The following QRICH1 variants were observed in gnomAD, a reference collection of about 807,000 sequenced individuals.
The protein encoded by QRICH1 is glutamine rich 1, also known as transcriptional regulator QRICH1.
Under a neutral mutation model 87.1 loss-of-function variants are expected in QRICH1, and 16 were observed. The observed-to-expected ratio is 0.18, with a 90% CI of 0.12 to 0.28. QRICH1 has a LOEUF of 0.28. Ranked by LOEUF, QRICH1 falls within the 10% of genes least tolerant of loss-of-function variation. The pLI is 1.00. For missense variants in QRICH1, 647 were observed against 951.7 expected, an observed-to-expected ratio of 0.68 and a Z score of 4.21; for synonymous variants, 367 against 368.4, an observed-to-expected ratio of 1.00 and a Z score of 0.05.
intron 2 of QRICH1, among the ~76,000 whole-genome samples, chr3:49,068,978 G>A (rs1251654130): frequency 6.6e-6 from 1 of 151,548 alleles, no homozygotes; most frequent in African/African-American, 2.4e-5. Context: ...TACTCTTGCA[G>A]GTATCATATA....
chr3:49,052,018 C>A (rs1446046503), intron 3 of QRICH1, among the ~76,000 whole-genome samples: 3 of 152,090 alleles, frequency 2.0e-5, no homozygotes, highest in African/African-American at 4.8e-5. Context: ...ATAATGGAAG[C>A]CTTGGAGAGT....
intron 2 of QRICH1, chr3:49,058,117 C>A: frequency 4.4e-6 from 3 of 686,322 alleles, no homozygotes; most frequent in Non-Finnish European, 4.6e-6. Flanking sequence ...GCAAGCAAGA[C>A]AATTAACTGG....
chr3:49,056,723 CCT>C, intron 3 of QRICH1, 137 bp downstream of exon 3: 1 of 1,399,192 alleles, frequency 7.1e-7, no homozygotes, highest in Non-Finnish European at 9.7e-7. Context: ...TGTTTCTCCC[CCT>C]CTTCTCCCAA....
At chr3:49,052,536 C>T (rs984083636) in intron 3 of QRICH1, among the ~76,000 whole-genome samples, 21 of 152,102 alleles carry the variant, frequency 1.4e-4, no homozygotes, top group Admixed American at 4.6e-4. Context: ...GATGGAGTTT[C>T]GCTCTGTCAC....
intron 2 of QRICH1, among the ~76,000 whole-genome samples, chr3:49,072,096 C>A (rs1035863186): frequency 6.6e-6 from 1 of 151,806 alleles, no homozygotes; most frequent in Non-Finnish European, 1.5e-5. Context: ...TTTGGGAGGC[C>A]GAGGTTGGCA....
At chr3:49,055,851 G>A (rs2093399000) in intron 3 of QRICH1, among the ~76,000 whole-genome samples, 1 of 151,982 alleles carries the variant, frequency 6.6e-6, no homozygotes, top group Non-Finnish European at 1.5e-5. Flanking sequence ...GCTAATTTTT[G>A]TATTTTTAGT....
intron 3 of QRICH1, among the ~76,000 whole-genome samples, chr3:49,051,590 C>G (rs896759394): frequency 2.2e-5 from 3 of 135,976 alleles, no homozygotes; most frequent in Non-Finnish European, 3.2e-5. Context: ...CTGCGCCCCC[C>G]CCCCCCTCCG....
At chr3:49,080,839 G>A (rs552626045) in intron 1 of QRICH1, among the ~76,000 whole-genome samples, 38 of 150,952 alleles carry the variant, frequency 2.5e-4, no homozygotes, top group Admixed American at 2.1e-3. Context: ...ACTCAACTAA[G>A]AAAAACCATT....
chr3:49,081,174 T>G (rs2042052159), intron 1 of QRICH1, among the ~76,000 whole-genome samples: 1 of 152,084 alleles, frequency 6.6e-6, no homozygotes, highest in South Asian at 2.1e-4. Context: ...CCCAGCACTT[T>G]GGGAGGCTGA....
chr3:49,089,220 C>G (rs1391031466), intron 1 of QRICH1, among the ~76,000 whole-genome samples: 1 of 151,884 alleles, frequency 6.6e-6, no homozygotes, highest in Non-Finnish European at 1.5e-5. Context: ...TCACCATGCC[C>G]TGCTAATTTT....
Position 49,032,165 on chromosome 3 carries a change from G to A in QRICH1, c.2138+18C>T, listed in dbSNP as rs980335173. ...ACACATGCGCACACATGGACAGCAAGTCACAATAAAGCCTCACCATTTGAA... is the reference window on the plus strand; with the variant it reads ...ACACATGCGCACACATGGACAGCAAATCACAATAAAGCCTCACCATTTGAA... On this transcript the variant is annotated intron_variant, in intron 9 of 9. Coordinates refer to ENST00000395443, the MANE Select transcript of QRICH1 (RefSeq NM_198880.3). 5 of 1,581,948 alleles carry A rather than the reference G, an allele frequency of 3.2e-6. No homozygotes were observed. Among genetic ancestry groups the A allele is most frequent in the Non-Finnish European group, 4.3e-6 (5 of 1,150,792 alleles).
At chr3:49,085,926 C>T (rs1282864680) in intron 1 of QRICH1, among the ~76,000 whole-genome samples, 2 of 151,834 alleles carry the variant, frequency 1.3e-5, no homozygotes, top group Non-Finnish European at 2.9e-5. Flanking sequence ...TAATTAGCTC[C>T]AAGTAAAAGA....
At chr3:49,092,886 C>A (rs950166012) in intron 1 of QRICH1, among the ~76,000 whole-genome samples, 2 of 152,170 alleles carry the variant, frequency 1.3e-5, no homozygotes, top group Non-Finnish European at 2.9e-5. Context: ...TGTTTAAGGC[C>A]AACTTTTTGG....
At chr3:49,040,243 T>C (rs1269161011) in intron 6 of QRICH1, among the ~76,000 whole-genome samples, 2 of 152,248 alleles carry the variant, frequency 1.3e-5, no homozygotes, top group Non-Finnish European at 2.9e-5. Context: ...GTCACTCATG[T>C]CTCTGTTCCA....
intron 2 of QRICH1, among the ~76,000 whole-genome samples, chr3:49,062,443 C>T (rs113949809): frequency 6.7e-6 from 1 of 149,818 alleles, no homozygotes; most frequent in Non-Finnish European, 1.5e-5. Context: ...TTACTGCAAC[C>T]TCCGCCTCCC....
intron 1 of QRICH1, among the ~76,000 whole-genome samples, chr3:49,088,604 C>T (rs1371818761): frequency 6.7e-6 from 1 of 150,050 alleles, no homozygotes; most frequent in African/African-American, 2.5e-5. Flanking sequence ...AGCCACTGCA[C>T]CAGGCTTTTG....
intron 6 of QRICH1, among the ~76,000 whole-genome samples, chr3:49,034,079 T>TTATTA (rs2093259564): frequency 1.4e-5 from 2 of 147,184 alleles, no homozygotes; most frequent in Admixed American, 6.8e-5. Context: ...TTTGGGGGAT[T>TTATTA]TTATTATTAT....
chr3:49,071,255 G>A (rs539432126), intron 2 of QRICH1, among the ~76,000 whole-genome samples: 84 of 152,084 alleles, frequency 5.5e-4, no homozygotes, highest in Non-Finnish European at 9.9e-4. Context: ...TAGTAGAGAC[G>A]GAGTTTCACT....
intron 3 of QRICH1, 40 bp downstream of exon 3, chr3:49,056,821 AG>A: frequency 6.2e-7 from 1 of 1,613,906 alleles, no homozygotes; most frequent in South Asian, 1.1e-5. Context: ...CTGGGCCCTG[AG>A]GGACCAGGCT....
Sources: gnomAD v4.1 joint callset for allele counts (sites outside exome capture counted in the v4.1 genomes callset) on GRCh38, gnomAD v4.1.1 for gene constraint, MANE v1.5 for transcripts, NCBI Gene and HGNC (gene_info 2026-07-23, HGNC 2026-07-21) for gene names.